The following JARID2 variants were observed in gnomAD, a reference collection of about 807,000 sequenced individuals.
JARID2 encodes the protein jumonji and AT-rich interaction domain containing 2, also known as protein Jumonji.
In JARID2, 21 loss-of-function variants were observed where a neutral mutation model predicts 125.6. That is an observed-to-expected ratio of 0.17 (90% CI 0.12 to 0.24). The LOEUF is 0.24. JARID2 is among the 10% of genes least tolerant of loss of function. JARID2 has a pLI of 1.00. For synonymous variants in JARID2, 736 were observed against 661.6 expected (o/e 1.11, Z -1.73); for missense variants, 1,303 against 1,639.6 (o/e 0.79, Z 3.55).
intron 5 of JARID2, among the ~76,000 whole-genome samples, chr6:15,472,095 C>T (rs1769103123): frequency 6.7e-6 from 1 of 149,014 alleles, no homozygotes; most frequent in African/African-American, 2.5e-5. Flanking sequence ...TTTTTTGTCC[C>T]CTCATGAATT....
chr6:15,480,696 C>G lies in JARID2; in HGVS notation c.671-6611C>G, dbSNP rs115726088. On this transcript the variant is annotated intron_variant, in intron 5 of 17. Coordinates refer to ENST00000341776, the MANE Select transcript of JARID2 (RefSeq NM_004973.4). ...TCCTTTCTCTGAAGAACGCAAAGCA[C>G]TTATATACTTTATTCAAAATACTTC... is the stretch of plus-strand genomic sequence containing the variant. Among the ~76,000 whole-genome samples, 516 of 152,316 alleles carry G rather than the reference C, an allele frequency of 3.4e-3. 3 individuals are homozygous for G. The highest frequency in any genetic ancestry group is 0.012 in the African/African-American group (498 of 41,566).
At chr6:15,339,726 G>A (rs913392608) in intron 1 of JARID2, among the ~76,000 whole-genome samples, 1 of 152,006 alleles carries the variant, frequency 6.6e-6, no homozygotes, top group African/African-American at 2.4e-5. Flanking sequence ...GTGGAGACAG[G>A]GTTTCACCAT....
intron 1 of JARID2, among the ~76,000 whole-genome samples, chr6:15,329,680 C>T (rs907765924): frequency 5.3e-5 from 8 of 152,226 alleles, no homozygotes; most frequent in Non-Finnish European, 1.0e-4. Flanking sequence ...CATTTCTAGA[C>T]TGCTGACAGA....
rs145350694 is a variant in JARID2, at chr6:15,407,231, A to G, written c.182-2993A>G. On this transcript the variant is annotated intron_variant, in intron 2 of 17. Transcript: ENST00000341776. ...TGTTGTGAGCATGTCACCGCACTCT[A>G]GCATGGGTGACAGAGCAAGACCTTG... Among the ~76,000 whole-genome samples the G allele has an allele frequency of 7.9e-5, 12 of 152,236 alleles. No individual in the cohort carries two copies. The East Asian group carries it at 2.3e-3, about 29-fold the overall frequency.
At chr6:15,445,568 C>T (rs2237142) in intron 3 of JARID2, among the ~76,000 whole-genome samples, 2 of 152,186 alleles carry the variant, frequency 1.3e-5, no homozygotes, top group African/African-American at 2.4e-5. Context: ...TTTCCCCCTT[C>T]GAGCTCATGC....
Position 15,520,404 on chromosome 6 carries a change from A to C in JARID2, c.*153A>C, listed in dbSNP as rs1771776978. On this transcript the variant is annotated 3_prime_UTR_variant, in exon 18 of 18. Transcript: ENST00000341776. ...GAGAACTAATTTTGTTTTAGCATTA[A>C]ACTGTTGAACTTTTTTTTGTACTTA... 3 of 598,376 alleles carry C rather than the reference A, an allele frequency of 5.0e-6. No homozygotes were observed. Among genetic ancestry groups the C allele is most frequent in the Non-Finnish European group, 8.1e-6 (3 of 369,596 alleles). 37.1% of individuals were successfully genotyped at this position (598,376 alleles called of 1,614,324 possible).
chr6:15,437,030 C>T (rs887590676), intron 3 of JARID2, among the ~76,000 whole-genome samples: 1 of 152,066 alleles, frequency 6.6e-6, no homozygotes, highest in African/African-American at 2.4e-5. Flanking sequence ...CCACCCTGTC[C>T]TTCAGCCGTG....
intron 16 of JARID2, among the ~76,000 whole-genome samples, chr6:15,516,008 A>C (rs1561920786): frequency 6.6e-6 from 1 of 151,936 alleles, no homozygotes. Context: ...AAAAAAAAAA[A>C]AACCCGTTAT....
intron 1 of JARID2, among the ~76,000 whole-genome samples, chr6:15,314,520 C>G (rs747154348): frequency 6.6e-6 from 1 of 152,142 alleles, no homozygotes; most frequent in Non-Finnish European, 1.5e-5. Flanking sequence ...TGTTAGAGTT[C>G]TTATAGGCAG....
chr6:15,477,599 C>A (rs1254518007), intron 5 of JARID2, among the ~76,000 whole-genome samples: 3 of 149,478 alleles, frequency 2.0e-5, no homozygotes, highest in East Asian at 3.9e-4. Flanking sequence ...GCATTTGGGG[C>A]GGTGTTCCTT....
At chr6:15,394,532 G>A (rs961202088) in intron 2 of JARID2, among the ~76,000 whole-genome samples, 14 of 152,152 alleles carry the variant, frequency 9.2e-5, no homozygotes, top group African/African-American at 3.1e-4. Context: ...CCGGAAGGTC[G>A]ACGCTGTAGT....
chr6:15,354,827 A>C (rs551411736), intron 1 of JARID2, among the ~76,000 whole-genome samples: 1 of 152,226 alleles, frequency 6.6e-6, no homozygotes, highest in Non-Finnish European at 1.5e-5. Context: ...GCTGTAAAGA[A>C]TGTTAAAGGA....
At chr6:15,473,572 T>C (rs574565150) in intron 5 of JARID2, among the ~76,000 whole-genome samples, 83 of 119,654 alleles carry the variant, frequency 6.9e-4, no homozygotes, top group African/African-American at 2.4e-3. Context: ...TATACCAAGG[T>C]CCTTAAGAGG....
intron 3 of JARID2, among the ~76,000 whole-genome samples, chr6:15,414,960 G>T (rs769742718): frequency 1.3e-5 from 2 of 152,136 alleles, no homozygotes; most frequent in African/African-American, 2.4e-5. Flanking sequence ...AGGACCCTGC[G>T]GCTTTCCGCA....
chr6:15,454,984 C>T (rs1473710887), intron 4 of JARID2, among the ~76,000 whole-genome samples: 1 of 152,032 alleles, frequency 6.6e-6, no homozygotes, highest in African/African-American at 2.4e-5. Flanking sequence ...GATGTGTACT[C>T]AGAAGGATGT....
intron 1 of JARID2, among the ~76,000 whole-genome samples, chr6:15,356,199 A>G (rs961855017): frequency 6.6e-5 from 10 of 152,268 alleles, no homozygotes; most frequent in Middle Eastern, 6.8e-3. Flanking sequence ...TCGTTCATTT[A>G]TTCATCATTT....
rs997772518 is a variant in JARID2 at position 15,247,331 on chromosome 6, T to C, written c.45+747T>C. ...CTGAAATTGGGTGATTATTCCTAGA[T>C]TTAAATGGCTTGGAATAGTTAAATT... On this transcript the variant is annotated intron_variant, in intron 1 of 17. Transcript: ENST00000341776. 1.4e-4 allele frequency: 102 copies of C among 704,876 alleles called. 1 individual carries two copies. In the Middle Eastern group the frequency reaches 2.9e-3, roughly 20 times the overall value. The allele number at this position is 704,876 out of a possible 1,614,324, so 43.7% of individuals were successfully genotyped here.
At chr6:15,307,035 T>G (rs1253483353) in intron 1 of JARID2, among the ~76,000 whole-genome samples, 1 of 150,450 alleles carries the variant, frequency 6.6e-6, no homozygotes, top group Non-Finnish European at 1.5e-5. Flanking sequence ...AGGTTAGGAG[T>G]TTGAAACCAA....
intron 1 of JARID2, among the ~76,000 whole-genome samples, chr6:15,313,343 G>C (rs1446959070): frequency 6.6e-6 from 1 of 152,212 alleles, no homozygotes; most frequent in Non-Finnish European, 1.5e-5. Flanking sequence ...CGCTGTGGCT[G>C]AGAACCAGTG....
Sources: allele counts gnomAD v4.1 joint callset (sites outside exome capture counted in the v4.1 genomes callset), GRCh38; gene constraint gnomAD v4.1.1; transcripts MANE v1.5; gene names NCBI Gene and HGNC (gene_info 2026-07-23, HGNC 2026-07-21).